RETREG1: variants seen among roughly 807,000 people sequenced by gnomAD.
RETREG1 encodes family with sequence similarity 134 member B.
RETREG1 carries 44 observed loss-of-function variants against 54.8 expected under a neutral mutation model. The ratio of observed to expected loss-of-function variants is 0.80; its 90% CI spans 0.63 to 1.03. The LOEUF (loss-of-function observed/expected upper bound fraction) is 1.03. RETREG1 is among the 50% of genes least tolerant of loss of function. The pLI is 0.00. For missense variants in RETREG1, 554 were observed against 605.1 expected, an observed-to-expected ratio of 0.92 and a Z score of 0.89; for synonymous variants, 217 against 238.5, an observed-to-expected ratio of 0.91 and a Z score of 0.83.
At chr5:16,600,837 T>C (rs1296613309) in intron 1 of RETREG1, among the ~76,000 whole-genome samples, 2 of 151,956 alleles carry the variant, frequency 1.3e-5, no homozygotes. Flanking sequence ...CTCCTTTTTA[T>C]TAAAGAAGAG....
chr5:16,573,873 T>A (rs1331906992), intron 1 of RETREG1, among the ~76,000 whole-genome samples: 1 of 151,496 alleles, frequency 6.6e-6, no homozygotes, highest in Non-Finnish European at 1.5e-5. Context: ...GCCGCCCAAG[T>A]AGCTGGAAAT....
At chr5:16,480,892 T>C in intron 5 of RETREG1, 117 bp downstream of exon 5, 1 of 724,384 alleles carries the variant, frequency 1.4e-6, no homozygotes, top group Non-Finnish European at 2.5e-6. Context: ...GATTAAAGAA[T>C]AATCAACTTG....
chr5:16,531,893 A>G lies in RETREG1; in HGVS notation c.458+33870T>C, dbSNP rs966705951. Among the ~76,000 whole-genome samples, 7 of 152,284 alleles carry G rather than the reference A, an allele frequency of 4.6e-5. No individual in the cohort carries two copies. In the East Asian group the frequency reaches 1.4e-3, roughly 29 times the overall value. On this transcript the variant is annotated intron_variant, in intron 3 of 8. Transcript: ENST00000306320. ...TTTTGCTCCGTGTATCCTGACTCTAATTGCAAGGTTCCTTTACACCAGTAT... is the reference window on the plus strand; with the variant it reads ...TTTTGCTCCGTGTATCCTGACTCTAGTTGCAAGGTTCCTTTACACCAGTAT...
chr5:16,581,526 AACAC>A (rs3993834), intron 1 of RETREG1, among the ~76,000 whole-genome samples: 12,497 of 143,602 alleles, frequency 0.087, 526 homozygotes, highest in South Asian at 0.11. Flanking sequence ...TCAGAAACAC[AACAC>A]ACACACACAC....
chr5:16,486,383 T>G (rs1363112501), intron 3 of RETREG1, among the ~76,000 whole-genome samples: 1 of 152,230 alleles, frequency 6.6e-6, no homozygotes, highest in Non-Finnish European at 1.5e-5. Context: ...AATTGCCCAG[T>G]GATTAATTCT....
chr5:16,558,272 A>C (rs1741765427), intron 3 of RETREG1, among the ~76,000 whole-genome samples: 1 of 152,016 alleles, frequency 6.6e-6, no homozygotes, highest in African/African-American at 2.4e-5. Flanking sequence ...AAAAAAAATA[A>C]AACAAACAAC....
intron 3 of RETREG1, among the ~76,000 whole-genome samples, chr5:16,562,464 T>G (rs1488701559): frequency 6.6e-6 from 1 of 152,186 alleles, no homozygotes; most frequent in African/African-American, 2.4e-5. Context: ...AAGGGTGCCA[T>G]CTTCAGCAAA....
Position 16,555,903 on chromosome 5 carries a change from T to C in RETREG1, c.458+9860A>G, listed in dbSNP as rs185295134. Among the ~76,000 whole-genome samples the C allele has an allele frequency of 1.5e-4, 23 of 152,330 alleles. No homozygotes were observed. In the East Asian group the frequency reaches 4.1e-3, roughly 27 times the overall value. On this transcript the variant is annotated intron_variant, in intron 3 of 8. Transcript: ENST00000306320. ...GAAATGTTAACTACTAATCATTTTTTCTTTTATAATTTAAATTTATTGACG... is the reference window on the plus strand; with the variant it reads ...GAAATGTTAACTACTAATCATTTTTCCTTTTATAATTTAAATTTATTGACG...
intron 1 of RETREG1, among the ~76,000 whole-genome samples, chr5:16,598,915 T>G (rs1742973502): frequency 6.6e-6 from 1 of 152,214 alleles, no homozygotes; most frequent in South Asian, 2.1e-4. Context: ...CAGTGGCTCA[T>G]GCTCACCATC....
intron 3 of RETREG1, among the ~76,000 whole-genome samples, chr5:16,488,199 A>C (rs1739091679): frequency 6.6e-6 from 1 of 152,222 alleles, no homozygotes; most frequent in African/African-American, 2.4e-5. Flanking sequence ...GCTTCTGGGC[A>C]AGACGGTGTG....
chr5:16,590,482 A>G (rs1236671744), intron 1 of RETREG1, among the ~76,000 whole-genome samples: 1 of 152,238 alleles, frequency 6.6e-6, no homozygotes, highest in Non-Finnish European at 1.5e-5. Flanking sequence ...ATCTTCAGCA[A>G]ATAGCACAAA....
At chr5:16,512,683 A>C (rs1055604383) in intron 3 of RETREG1, among the ~76,000 whole-genome samples, 6 of 151,994 alleles carry the variant, frequency 3.9e-5, no homozygotes, top group African/African-American at 1.5e-4. Context: ...ATGTCATAGG[A>C]AAATATTAGC....
intron 3 of RETREG1, among the ~76,000 whole-genome samples, chr5:16,515,473 G>A (rs929245898): frequency 3.3e-5 from 5 of 151,762 alleles, no homozygotes; most frequent in South Asian, 2.1e-4. Flanking sequence ...ATCCTTATAC[G>A]TTTCACATTA....
chr5:16,565,817 T>A (rs748945057), intron 2 of RETREG1, 24 bp from the exon 3 acceptor site: 5 of 1,612,104 alleles, frequency 3.1e-6, no homozygotes, highest in Non-Finnish European at 4.2e-6. Context: ...AAGCAAAATG[T>A]GAAACTTAAC....
chr5:16,562,961 A>C (rs997599810), intron 3 of RETREG1, among the ~76,000 whole-genome samples: 3 of 152,092 alleles, frequency 2.0e-5, no homozygotes, highest in Admixed American at 6.5e-5. Context: ...GTACCACACC[A>C]ATGTAGGATG....
intron 3 of RETREG1, among the ~76,000 whole-genome samples, chr5:16,486,502 C>T (rs1239171268): frequency 1.3e-5 from 2 of 152,152 alleles, no homozygotes; most frequent in Non-Finnish European, 1.5e-5. Context: ...TGTCATGAGA[C>T]GGGACATTTG....
chr5:16,494,939 G>A (rs1423143969), intron 3 of RETREG1, among the ~76,000 whole-genome samples: 1 of 152,188 alleles, frequency 6.6e-6, no homozygotes, highest in Admixed American at 6.5e-5. Context: ...CAAAATGCTG[G>A]TAGTAATATG....
chr5:16,564,849 C>T (rs745380670), intron 3 of RETREG1, among the ~76,000 whole-genome samples: 6 of 152,172 alleles, frequency 3.9e-5, no homozygotes, highest in African/African-American at 1.2e-4. Context: ...TGAAATAAGC[C>T]TTATTTGCAT....
In RETREG1 at chr5:16,522,219, A is replaced by G. The variant is rs547992790; in HGVS notation, c.459-38747T>C. On this transcript the variant is annotated intron_variant, in intron 3 of 8. Transcript: ENST00000306320. ...CAACACCCTGATCTTGATATGTGGA[A>G]AAAAAAAAAAGGCCTTGATTTATGA... is the stretch of plus-strand genomic sequence containing the variant. 8.1e-4 allele frequency among the ~76,000 whole-genome samples: 120 copies of G among 147,440 alleles called. 1 individual carries two copies. The highest frequency in any genetic ancestry group is 3.0e-3 in the African/African-American group (117 of 38,854).
Sources: allele counts gnomAD v4.1 joint callset (sites outside exome capture counted in the v4.1 genomes callset), GRCh38; gene constraint gnomAD v4.1.1; transcripts MANE v1.5; gene names NCBI Gene and HGNC (gene_info 2026-07-23, HGNC 2026-07-21).